C4BPA: variants seen among roughly 807,000 people sequenced by gnomAD.
C4BPA encodes the protein complement component 4 binding protein alpha.
C4BPA carries 31 observed loss-of-function variants against 63.7 expected under a neutral mutation model. The observed-to-expected ratio is 0.49, with a 90% CI of 0.37 to 0.66. The LOEUF is 0.66. Among genes scored for constraint, C4BPA ranks in the 30% least tolerant of loss-of-function variants. The probability of loss-of-function intolerance (pLI) is 0.00; values close to 1 mark genes in which losing one functional copy is unlikely to be tolerated. For synonymous variants in C4BPA, 259 were observed against 254.7 expected (o/e 1.02, Z -0.16); for missense variants, 572 against 723.3 (o/e 0.79, Z 2.40).
chr1:207,128,700 G>A (rs1685099928), intron 7 of C4BPA, among the ~76,000 whole-genome samples: 1 of 152,212 alleles, frequency 6.6e-6, no homozygotes, highest in African/African-American at 2.4e-5. Context: ...GAGGCATGCT[G>A]TTAGATGTTG....
intron 6 of C4BPA, among the ~76,000 whole-genome samples, chr1:207,125,693 C>G (rs1011039578): frequency 6.6e-6 from 1 of 152,094 alleles, no homozygotes. Flanking sequence ...CTGATGGTGG[C>G]TAGATCTTGA....
In C4BPA at chr1:207,119,090, T is replaced by A. The variant is rs1374785650; in HGVS notation, c.428+3575T>A. Among the ~76,000 whole-genome samples the A allele has an allele frequency of 2.5e-4, 8 of 32,170 alleles. 3 individuals carry two copies. Among genetic ancestry groups the A allele is most frequent in the Admixed American group, 7.6e-4 (2 of 2,640 alleles). 21.1% of individuals were successfully genotyped at this position (32,170 alleles called of 152,430 possible). ...CCACCATTGTAAACTGGAATTCATCTTGTTCTTTCACTGCCCCTTAGCCTT... is the reference window on the plus strand; with the variant it reads ...CCACCATTGTAAACTGGAATTCATCATGTTCTTTCACTGCCCCTTAGCCTT... On this transcript the variant is annotated intron_variant, in intron 4 of 11. Coordinates refer to ENST00000367070, the MANE Select transcript of C4BPA (RefSeq NM_000715.4).
intron 10 of C4BPA, among the ~76,000 whole-genome samples, chr1:207,141,784 A>C (rs1271543524): frequency 9.9e-5 from 15 of 152,166 alleles, no homozygotes; most frequent in Non-Finnish European, 1.5e-5. Context: ...TTGTGGGGAC[A>C]GGAGGAGTTG....
At chr1:207,140,799 G>C (rs1685397546) in intron 9 of C4BPA, among the ~76,000 whole-genome samples, 1 of 152,186 alleles carries the variant, frequency 6.6e-6, no homozygotes, top group African/African-American at 2.4e-5. Context: ...TGTACTATGA[G>C]TATGATATGA....
At chr1:207,119,987 A>C (rs560243409) in intron 4 of C4BPA, among the ~76,000 whole-genome samples, 2 of 152,202 alleles carry the variant, frequency 1.3e-5, no homozygotes, top group South Asian at 2.1e-4. Flanking sequence ...GATTTGGGTT[A>C]TTATAGTTTT....
intron 1 of C4BPA, among the ~76,000 whole-genome samples, chr1:207,111,172 G>C (rs548943397): frequency 6.6e-6 from 1 of 152,226 alleles, no homozygotes; most frequent in Non-Finnish European, 1.5e-5. Context: ...TCACAAGATT[G>C]TGAGGGCAGA....
Position 207,123,961 on chromosome 1 carries a change from C to A in C4BPA, c.468C>A (p.Val156=). The part of the protein sequence containing the change: ...LIGSTTSRCE[V]QDRGVGWSHP... ...GCTCAACCACTAGTCGTTGTGAAGTCCAAGATAGAGGAGTTGGCTGGAGTC... is the reference window on the plus strand; with the variant it reads ...GCTCAACCACTAGTCGTTGTGAAGTACAAGATAGAGGAGTTGGCTGGAGTC... Residue 156 remains valine, a synonymous_variant, in exon 5 of 12, where the codon GTC becomes GTA. Coordinates refer to ENST00000367070, the MANE Select transcript of C4BPA (RefSeq NM_000715.4). 6.2e-7 allele frequency: 1 copy of A among 1,611,916 alleles called. No homozygotes were observed. The highest frequency in any genetic ancestry group is 8.5e-7 in the Non-Finnish European group (1 of 1,178,714).
intron 6 of C4BPA, among the ~76,000 whole-genome samples, chr1:207,126,435 T>A (rs1466094976): frequency 6.7e-6 from 1 of 149,026 alleles, no homozygotes; most frequent in Admixed American, 6.7e-5. Flanking sequence ...TCCATTACAT[T>A]GGTCTTTCTA....
chr1:207,140,717 T>C (rs922157828), intron 9 of C4BPA, among the ~76,000 whole-genome samples: 19 of 152,210 alleles, frequency 1.2e-4, no homozygotes. Flanking sequence ...GACTCAGAGA[T>C]TGTGGATGAT....
rs147875917 is a variant in C4BPA at position 207,141,276 on chromosome 1, G to C, written c.1444G>C (p.Ala482Pro). ...GTCAGCTCCAGCCCCTCAATGTAAAGGTAACTCCAGCTTCCTTTTCAGCTC... is the reference window on the plus strand; with the variant it reads ...GTCAGCTCCAGCCCCTCAATGTAAACGTAACTCCAGCTTCCTTTTCAGCTC... ...HWSAPAPQCK[A>P]LCRKPELVNG... is the part of the protein sequence containing the mutation. Residue 482 changes from alanine (A) to proline (P), a missense_variant and splice_region_variant, in exon 10 of 12, where the codon GCT becomes CCT. This residue lies in a region of C4BPA where 465 missense variants were observed against 629.4 expected (regional missense o/e 0.74). Transcript: ENST00000367070. The C allele has an allele frequency of 6.2e-7, 1 of 1,611,130 alleles. No individual in the cohort carries two copies. The highest frequency in any genetic ancestry group is 8.5e-7 in the Non-Finnish European group (1 of 1,179,130).
chr1:207,117,852 C>G (rs941608385), intron 4 of C4BPA, among the ~76,000 whole-genome samples: 1 of 152,186 alleles, frequency 6.6e-6, no homozygotes, highest in Non-Finnish European at 1.5e-5. Context: ...CTTCCTGCAT[C>G]TTGCTGTGTT....
chr1:207,142,399 T>C (rs1685438388), intron 10 of C4BPA, among the ~76,000 whole-genome samples: 1 of 152,192 alleles, frequency 6.6e-6, no homozygotes, highest in Admixed American at 6.5e-5. Flanking sequence ...TGTGTCTTTA[T>C]CATAGAATGA....
In C4BPA at chr1:207,141,215, C is replaced by T. The variant is rs773326982; in HGVS notation, c.1383C>T (p.Val461=). 5.6e-6 allele frequency: 9 copies of T among 1,613,532 alleles called. No individual in the cohort carries two copies. Among genetic ancestry groups the T allele is most frequent in the African/African-American group, 2.7e-5 (2 of 74,864 alleles). Residue 461 remains valine, a synonymous_variant, in exon 10 of 12, where the codon GTC becomes GTT. Transcript: ENST00000367070. The part of the protein sequence containing the change: ...IYECDKGYIL[V]GQAKLSCSYS... ...AATGTGATAAAGGCTACATTCTGGT[C>T]GGACAGGCGAAACTCTCCTGCAGTT...
At position 207,114,258 on chromosome 1, in the gene C4BPA, GA is replaced by G; in HGVS notation, c.303del (p.Glu101AspfsTer24). 1 of 1,613,004 alleles carries G rather than the reference GA, an allele frequency of 6.2e-7. No individual in the cohort carries two copies. The highest frequency in any genetic ancestry group is 8.5e-7 in the Non-Finnish European group (1 of 1,179,348). On this transcript the variant is annotated frameshift_variant, in exon 3 of 12. Coordinates refer to ENST00000367070, the MANE Select transcript of C4BPA (RefSeq NM_000715.4). LOFTEE classifies it high-confidence loss of function. ...GACGCTTACCTGTAATTCTGATGGC[GA>G]ATGGGTGTATAACACCTTCTGTATC... ...TQTLTCNSDG[E>X]WVYNTFCIYK...
At position 207,134,435 on chromosome 1, in the gene C4BPA, T is replaced by A; in HGVS notation, c.1116T>A (p.Asn372Lys). The A allele has an allele frequency of 6.2e-7, 1 of 1,613,772 alleles. No homozygotes were observed. Among genetic ancestry groups the A allele is most frequent in the Non-Finnish European group, 8.5e-7 (1 of 1,179,786 alleles). The change falls in exon 9 of 12, where the codon AAT (asparagine) becomes AAA (lysine). Residue 372 changes from asparagine to lysine, a missense_variant. Asn to Lys is a moderately conservative substitution (Grantham distance 94, BLOSUM62 0). This residue lies in a region of C4BPA where 465 missense variants were observed against 629.4 expected (regional missense o/e 0.74). Transcript: ENST00000367070. The stretch of plus-strand genomic sequence containing the variant: ...GTTGCCCTGAACCAAAGCTAAATAA[T>A]GGTGAAATCACTCAACACAGGAAAA... ...ALCCPEPKLN[N>K]GEITQHRKSR...
Position 207,131,570 on chromosome 1 carries a change from T to C in C4BPA, c.914T>C (p.Ile305Thr), listed in dbSNP as rs1558094603. Residue 305 changes from isoleucine to threonine, a missense_variant, in exon 8 of 12, where the codon ATT (isoleucine) becomes ACT (threonine). This residue lies in a region of C4BPA where 465 missense variants were observed against 629.4 expected (regional missense o/e 0.74). Transcript: ENST00000367070. ...GATAGTTGTATTAATTTACCAGACA[T>C]TCCACATGCTTCCTGGGAAACATAT... ...EPNSCINLPD[I>T]PHASWETYPR... 2 of 1,611,214 alleles carry C rather than the reference T, an allele frequency of 1.2e-6. No individual in the cohort carries two copies. Among genetic ancestry groups the C allele is most frequent in the Non-Finnish European group, 1.7e-6 (2 of 1,177,882 alleles).
At chr1:207,122,714 C>T (rs1426704101) in intron 4 of C4BPA, among the ~76,000 whole-genome samples, 1 of 152,122 alleles carries the variant, frequency 6.6e-6, no homozygotes, top group East Asian at 1.9e-4. Context: ...GCTGGGACTA[C>T]AGGAGAGCAG....
chr1:207,134,377 C>T lies in C4BPA; in HGVS notation c.1085-27C>T, dbSNP rs116754224. 1.4e-4 allele frequency: 226 copies of T among 1,568,932 alleles called. 2 individuals are homozygous for T. In the African/African-American group the frequency reaches 2.5e-3, roughly 17 times the overall value. On this transcript the variant is annotated intron_variant, in intron 8 of 11. Coordinates refer to ENST00000367070, the MANE Select transcript of C4BPA (RefSeq NM_000715.4). ...AGCTTCCTCATGGTGATTTTACTAA[C>T]CATGCACCTCACATTTTATTTTTCA...
chr1:207,130,410 A>G lies in C4BPA; in HGVS notation c.890-1136A>G, dbSNP rs948230968. Reference sequence around the variant, plus strand: ...GTTTTTGCAGTCCTGCTGAAGTTTAACCATGGAGTTACCATATGACTCTAA... The same window carrying G: ...GTTTTTGCAGTCCTGCTGAAGTTTAGCCATGGAGTTACCATATGACTCTAA... On this transcript the variant is annotated intron_variant, in intron 7 of 11. Transcript: ENST00000367070. Among the ~76,000 whole-genome samples the G allele has an allele frequency of 2.0e-5, 3 of 152,300 alleles. No individual in the cohort carries two copies. The South Asian group carries it at 6.2e-4, about 32-fold the overall frequency.
Sources: allele counts gnomAD v4.1 joint callset (sites outside exome capture counted in the v4.1 genomes callset), GRCh38; gene constraint gnomAD v4.1.1; regional missense constraint gnomAD v4.1.1; transcripts MANE v1.5; gene names NCBI Gene and HGNC (gene_info 2026-07-23, HGNC 2026-07-21).